The following BLK variants were observed in gnomAD, a reference collection of about 807,000 sequenced individuals.
BLK encodes the protein tyrosine-protein kinase Blk.
In BLK, 64 loss-of-function variants were observed where a neutral mutation model predicts 61.8. That is an observed-to-expected ratio of 1.03 (90% CI 0.85 to 1.27). BLK has a LOEUF of 1.27. Ranked by LOEUF, BLK falls within the 50% of genes most tolerant of loss-of-function variation. The pLI, the probability that BLK is intolerant of heterozygous loss-of-function variation, is 0.00. For synonymous variants in BLK, 351 were observed against 272.0 expected, an observed-to-expected ratio of 1.29 and a Z score of -2.86; for missense variants, 853 against 660.5, an observed-to-expected ratio of 1.29 and a Z score of -3.19.
chr8:11,547,495 G>C (rs1162909625), intron 3 of BLK, among the ~76,000 whole-genome samples: 1 of 152,196 alleles, frequency 6.6e-6, no homozygotes, highest in Non-Finnish European at 1.5e-5. Flanking sequence ...CCAGCAAGGT[G>C]GGGGGCCCGG....
chr8:11,532,995 A>G (rs1009703021), intron 1 of BLK, among the ~76,000 whole-genome samples: 1 of 152,240 alleles, frequency 6.6e-6, no homozygotes, highest in Middle Eastern at 3.2e-3. Flanking sequence ...GGGAAGGTAT[A>G]TGTCTGCTGT....
At chr8:11,557,338 G>A (rs778639001) in intron 9 of BLK, among the ~76,000 whole-genome samples, 32 of 152,250 alleles carry the variant, frequency 2.1e-4, no homozygotes, top group Non-Finnish European at 3.8e-4. Context: ...GACCCTGACC[G>A]CACACTGCTC....
chr8:11,495,741 G>T (rs1050853531), intron 1 of BLK, among the ~76,000 whole-genome samples: 1 of 152,178 alleles, frequency 6.6e-6, no homozygotes, highest in Non-Finnish European at 1.5e-5. Context: ...GGATCCTAAA[G>T]CAACACCGCA....
intron 1 of BLK, among the ~76,000 whole-genome samples, chr8:11,532,422 G>A (rs2618437): frequency 0.58 from 85,014 of 147,410 alleles, 25,332 homozygotes; most frequent in Non-Finnish European, 0.65. Flanking sequence ...TGTTGGCCAG[G>A]CTGGTCTCGA....
At chr8:11,514,292 A>T (rs1401089369) in intron 1 of BLK, among the ~76,000 whole-genome samples, 2 of 152,208 alleles carry the variant, frequency 1.3e-5, no homozygotes, top group Non-Finnish European at 2.9e-5. Flanking sequence ...ACTCCTGTCC[A>T]CTGTTCCAGC....
chr8:11,500,102 G>A (rs1041995153), intron 1 of BLK, among the ~76,000 whole-genome samples: 1 of 152,188 alleles, frequency 6.6e-6, no homozygotes, highest in Non-Finnish European at 1.5e-5. Flanking sequence ...GAGCCAACCT[G>A]CAGTCAAATG....
chr8:11,543,367 C>G lies in BLK; in HGVS notation c.123+20C>G, dbSNP rs369466513. On this transcript the variant is annotated intron_variant, in intron 2 of 12. Coordinates refer to ENST00000259089, the MANE Select transcript of BLK (RefSeq NM_001715.3). ...CCCCTGGTGAGTGATTGCCCACCCC[C>G]ACCAAGAGCAGATTACTTACTTCTC... is the stretch of plus-strand genomic sequence containing the variant. The G allele has an allele frequency of 6.2e-7, 1 of 1,611,644 alleles. No homozygotes were observed. Among genetic ancestry groups the G allele is most frequent in the African/African-American group, 1.3e-5 (1 of 74,924 alleles).
intron 1 of BLK, among the ~76,000 whole-genome samples, chr8:11,514,295 G>A (rs1394497299): frequency 6.6e-6 from 1 of 152,192 alleles, no homozygotes; most frequent in Non-Finnish European, 1.5e-5. Context: ...CCTGTCCACT[G>A]TTCCAGCAAA....
chr8:11,524,519 T>C (rs1244934963), intron 1 of BLK, among the ~76,000 whole-genome samples: 1 of 152,240 alleles, frequency 6.6e-6, no homozygotes, highest in African/African-American at 2.4e-5. Flanking sequence ...AACTACATAC[T>C]TCCATACTGC....
At position 11,548,088 on chromosome 8, in the gene BLK, C is replaced by A. The variant is rs1423135226; in HGVS notation, c.232C>A (p.Gln78Lys). 1 of 1,613,814 alleles carries A rather than the reference C, an allele frequency of 6.2e-7. No homozygotes were observed. The highest frequency in any genetic ancestry group is 8.5e-7 in the Non-Finnish European group (1 of 1,180,000). The change falls in exon 4 of 13, where the codon CAG (glutamine) becomes AAG (lysine). Residue 78 changes from glutamine to lysine, a missense_variant. Physicochemically the swap from Gln to Lys is moderately conservative, Grantham distance 53 (BLOSUM62 1). Transcript: ENST00000259089. ...DYTAMNDRDL[Q>K]MLKGEKLQVL... The stretch of plus-strand genomic sequence containing the variant: ...CACCGCTATGAATGATCGGGACCTG[C>A]AGATGCTGAAGGGGGAGAAGCTACA...
At chr8:11,528,852 A>G (rs1185853273) in intron 1 of BLK, among the ~76,000 whole-genome samples, 4 of 152,260 alleles carry the variant, frequency 2.6e-5, no homozygotes, top group East Asian at 1.9e-4. Context: ...ACGCAGGAAC[A>G]TAAAACCAAA....
At chr8:11,546,387 A>G (rs767521605) in intron 3 of BLK, among the ~76,000 whole-genome samples, 27 of 152,226 alleles carry the variant, frequency 1.8e-4, no homozygotes, top group Non-Finnish European at 3.5e-4. Context: ...GACACACAGC[A>G]TCATCAAACC....
At chr8:11,526,638 G>A (rs1281417626) in intron 1 of BLK, among the ~76,000 whole-genome samples, 1 of 152,214 alleles carries the variant, frequency 6.6e-6, no homozygotes, top group African/African-American at 2.4e-5. Flanking sequence ...AGGATCACGT[G>A]AACCTGGGAG....
chr8:11,538,210 A>G (rs73541742), intron 1 of BLK, among the ~76,000 whole-genome samples: 9,179 of 152,164 alleles, frequency 0.06, 729 homozygotes, highest in African/African-American at 0.19. Flanking sequence ...ACAAACATAC[A>G]CAGACTCACA....
At chr8:11,537,421 A>C (rs1413009880) in intron 1 of BLK, among the ~76,000 whole-genome samples, 1 of 152,218 alleles carries the variant, frequency 6.6e-6, no homozygotes, top group Non-Finnish European at 1.5e-5. Context: ...TATGTCTGGC[A>C]GGTCAAATCA....
Position 11,555,422 on chromosome 8 carries a change from C to G in BLK, c.710C>G (p.Pro237Arg). ...NPWAQDEWEI[P>R]RQSLRLVRKL... is the part of the protein sequence containing the mutation. The stretch of plus-strand genomic sequence containing the variant: ...TGGGCCCAGGATGAATGGGAGATCC[C>G]CCGGCAGTCTCTCAGGCTGGTCAGG... The change falls in exon 8 of 13, where the codon CCC (proline) becomes CGC (arginine). Residue 237 changes from proline (P) to arginine (R), a missense_variant. Pro to Arg is a moderately radical substitution (Grantham distance 103). Transcript: ENST00000259089. 1.2e-6 allele frequency: 2 copies of G among 1,614,162 alleles called. No homozygotes were observed. The highest frequency in any genetic ancestry group is 1.7e-6 in the Non-Finnish European group (2 of 1,180,014).
In BLK at chr8:11,533,558, T is replaced by C. The variant is rs560047831; in HGVS notation, c.-1-9666T>C. ...AGATGTGGCTCAAATCTCTCTTCTGTGCTTCAGTTTCTTCCCTGTCTGCCG... is the reference window on the plus strand; with the variant it reads ...AGATGTGGCTCAAATCTCTCTTCTGCGCTTCAGTTTCTTCCCTGTCTGCCG... On this transcript the variant is annotated intron_variant, in intron 1 of 12. Coordinates refer to ENST00000259089, the MANE Select transcript of BLK (RefSeq NM_001715.3). 2.7e-5 allele frequency among the ~76,000 whole-genome samples: 4 copies of C among 150,680 alleles called. No homozygotes were observed. In the East Asian group the frequency reaches 7.9e-4, roughly 30 times the overall value.
chr8:11,519,007 T>A (rs1799335738), intron 1 of BLK, among the ~76,000 whole-genome samples: 1 of 152,166 alleles, frequency 6.6e-6, no homozygotes, highest in Non-Finnish European at 1.5e-5. Context: ...GTCATCCTGT[T>A]TGAATTTCTT....
chr8:11,531,855 G>A (rs574379110), intron 1 of BLK, among the ~76,000 whole-genome samples: 9 of 152,192 alleles, frequency 5.9e-5, no homozygotes, highest in African/African-American at 1.7e-4. Flanking sequence ...CTAGAGTTTT[G>A]GTTGTTTGTT....
Sources: gnomAD v4.1 joint callset for allele counts (sites outside exome capture counted in the v4.1 genomes callset) on GRCh38, gnomAD v4.1.1 for gene constraint, MANE v1.5 for transcripts, NCBI Gene and HGNC (gene_info 2026-07-23, HGNC 2026-07-21) for gene names.